Variants in MLLT10 observed in about 807,000 individuals in gnomAD.
MLLT10 encodes protein AF-10.
In MLLT10, 30 loss-of-function variants were observed where a neutral mutation model predicts 129.1. The ratio of observed to expected loss-of-function variants is 0.23; its 90% CI spans 0.17 to 0.32. MLLT10 has a LOEUF of 0.32. Ranked by LOEUF, MLLT10 falls within the 10% of genes least tolerant of loss-of-function variation. The pLI is 1.00. For synonymous variants in MLLT10, 490 were observed against 446.4 expected (o/e 1.10, Z -1.23); for missense variants, 1,119 against 1,268.3 (o/e 0.88, Z 1.79).
chr10:21,555,023 G>T (rs2130969169), intron 3 of MLLT10, among the ~76,000 whole-genome samples: 1 of 151,682 alleles, frequency 6.6e-6, no homozygotes, highest in East Asian at 2.0e-4. Flanking sequence ...GTTTCACCAT[G>T]TTGGTCAGGC....
intron 15 of MLLT10, among the ~76,000 whole-genome samples, chr10:21,726,794 A>G (rs1174212334): frequency 6.9e-6 from 1 of 145,138 alleles, no homozygotes; most frequent in Non-Finnish European, 1.5e-5. Flanking sequence ...TGATGTGTTC[A>G]GTTCTCAGTT....
chr10:21,690,429 C>T (rs1212975510), intron 13 of MLLT10, among the ~76,000 whole-genome samples: 1 of 151,850 alleles, frequency 6.6e-6, no homozygotes, highest in Non-Finnish European at 1.5e-5. Context: ...TAGATTTCCC[C>T]CCAAAAGAAC....
At chr10:21,703,786 C>T (rs888168818) in intron 13 of MLLT10, among the ~76,000 whole-genome samples, 4 of 151,640 alleles carry the variant, frequency 2.6e-5, no homozygotes, top group African/African-American at 4.8e-5. Flanking sequence ...CTTTGTGATC[C>T]GCCCGCCTCA....
intron 13 of MLLT10, chr10:21,708,553 C>CT (rs2055756958): frequency 1.0e-6 from 1 of 982,750 alleles, no homozygotes; most frequent in South Asian, 4.7e-5. Context: ...ACATTTTGCT[C>CT]TGTTTTTTTT....
chr10:21,545,501 G>T (rs1046663862), intron 3 of MLLT10, among the ~76,000 whole-genome samples: 1 of 152,132 alleles, frequency 6.6e-6, no homozygotes, highest in Admixed American at 6.6e-5. Context: ...GAAGATAGAG[G>T]ATTTGATTGT....
chr10:21,591,636 C>T (rs1334084218), intron 4 of MLLT10, among the ~76,000 whole-genome samples: 2 of 151,878 alleles, frequency 1.3e-5, no homozygotes, highest in African/African-American at 4.8e-5. Flanking sequence ...TATATATATA[C>T]ACAAGTATTT....
chr10:21,627,384 C>G (rs2046561348), intron 8 of MLLT10, among the ~76,000 whole-genome samples: 2 of 152,176 alleles, frequency 1.3e-5, no homozygotes, highest in African/African-American at 2.4e-5. Context: ...AGATTATTAT[C>G]TAATCTACAG....
At chr10:21,740,716 A>C (rs537353967) in intron 22 of MLLT10, among the ~76,000 whole-genome samples, 2 of 152,252 alleles carry the variant, frequency 1.3e-5, no homozygotes, top group African/African-American at 2.4e-5. Flanking sequence ...ATGGAATTCA[A>C]ATTTTTAGTT....
chr10:21,620,490 A>G (rs2045702492), intron 8 of MLLT10, among the ~76,000 whole-genome samples: 1 of 152,176 alleles, frequency 6.6e-6, no homozygotes, highest in African/African-American at 2.4e-5. Flanking sequence ...GTAAGTTGAA[A>G]GCACATTTTT....
chr10:21,592,769 T>C (rs1388392664), intron 4 of MLLT10, among the ~76,000 whole-genome samples: 2 of 152,154 alleles, frequency 1.3e-5, no homozygotes, highest in Non-Finnish European at 2.9e-5. Context: ...CGGCCAGTTT[T>C]CTGTAGTTTT....
intron 8 of MLLT10, among the ~76,000 whole-genome samples, chr10:21,618,379 T>A (rs937210680): frequency 6.6e-6 from 1 of 151,752 alleles, no homozygotes; most frequent in Middle Eastern, 3.2e-3. Flanking sequence ...GGTGGTTGTT[T>A]GTAATCCCAG....
chr10:21,593,904 C>T (rs1000880904), intron 4 of MLLT10, among the ~76,000 whole-genome samples: 1 of 111,998 alleles, frequency 8.9e-6, no homozygotes, highest in Non-Finnish European at 1.7e-5. Context: ...CCAGCCTGGG[C>T]GACAGACCAA....
At chr10:21,556,681 C>T (rs759304847) in intron 3 of MLLT10, 14 of 1,612,232 alleles carry the variant, frequency 8.7e-6, no homozygotes, top group East Asian at 2.2e-5. Flanking sequence ...CATCTGAAAA[C>T]GTCACTCCTG....
intron 3 of MLLT10, among the ~76,000 whole-genome samples, chr10:21,561,572 TA>T (rs2038810902): frequency 2.6e-5 from 4 of 152,146 alleles, no homozygotes; most frequent in Non-Finnish European, 5.9e-5. Flanking sequence ...TGGTAGCTCT[TA>T]AGTTTAGGTG....
Position 21,591,171 on chromosome 10 carries a change from C to T in MLLT10, c.296-4160C>T, listed in dbSNP as rs1039854977. On this transcript the variant is annotated intron_variant, in intron 4 of 22. Transcript: ENST00000307729. ...CTCCTGGGTTCAAGCGATCCTCCTACCTTAGCCCCTGAGTGGCTGGGACTA... is the reference window on the plus strand; with the variant it reads ...CTCCTGGGTTCAAGCGATCCTCCTATCTTAGCCCCTGAGTGGCTGGGACTA... Among the ~76,000 whole-genome samples, 5 of 152,140 alleles carry T rather than the reference C, an allele frequency of 3.3e-5. No individual in the cohort carries two copies. The South Asian group carries it at 8.3e-4, about 25-fold the overall frequency.
In MLLT10 at chr10:21,534,349, T is replaced by C; in HGVS notation, c.-172T>C. On this transcript the variant is annotated 5_prime_UTR_variant, in exon 1 of 23. Transcript: ENST00000307729. Reference sequence around the variant, plus strand: ...GCGCCTGTGCGGAGGCCCTCTTGATTATGTGTGCCCTCTCCGGGCGCCCGC... The same window carrying C: ...GCGCCTGTGCGGAGGCCCTCTTGATCATGTGTGCCCTCTCCGGGCGCCCGC... 2.7e-6 allele frequency: 1 copy of C among 366,150 alleles called. No homozygotes were observed. The highest frequency in any genetic ancestry group is 4.6e-5 in the Admixed American group (1 of 21,914). 22.7% of individuals were successfully genotyped at this position (366,150 alleles called of 1,614,324 possible).
chr10:21,577,235 G>T (rs1306000003), intron 3 of MLLT10, among the ~76,000 whole-genome samples: 1 of 152,060 alleles, frequency 6.6e-6, no homozygotes, highest in African/African-American at 2.4e-5. Flanking sequence ...CTGTTGCATG[G>T]CTATACTACA....
At chr10:21,622,680 T>C (rs1324550816) in intron 8 of MLLT10, among the ~76,000 whole-genome samples, 2 of 152,248 alleles carry the variant, frequency 1.3e-5, no homozygotes, top group Non-Finnish European at 2.9e-5. Context: ...AGCATGCTGC[T>C]GTTCTATAAG....
At chr10:21,717,698 CTCTTCCTCCTCCTCCTCT>C (rs2056777283) in intron 14 of MLLT10, among the ~76,000 whole-genome samples, 1 of 98,028 alleles carries the variant, frequency 1.0e-5, no homozygotes, top group African/African-American at 5.4e-5. Flanking sequence ...CCTCCTCCTC[CTCTTCCTCCTCCTCCTCT>C]TCCTCCTCCT....
Sources: gnomAD v4.1 joint callset for allele counts (sites outside exome capture counted in the v4.1 genomes callset) on GRCh38, gnomAD v4.1.1 for gene constraint, MANE v1.5 for transcripts, NCBI Gene and HGNC (gene_info 2026-07-23, HGNC 2026-07-21) for gene names.